Variants in TG observed in about 807,000 individuals in gnomAD.
TG encodes thyroid hormones.
A neutral mutation model predicts 324.7 loss-of-function variants in TG; 270 were observed. That is an observed-to-expected ratio of 0.83 (90% CI 0.75 to 0.92). The LOEUF (loss-of-function observed/expected upper bound fraction) is 0.92. Among genes scored for constraint, TG ranks in the 40% least tolerant of loss-of-function variants. TG has a pLI of 0.00. For missense variants in TG, 3,591 were observed against 3,456.4 expected (o/e 1.04, Z -0.98); for synonymous variants, 1,401 against 1,327.0 (o/e 1.06, Z -1.21).
chr8:133,075,407 GGAGACTAAAGA>G (rs1226208641), intron 41 of TG, among the ~76,000 whole-genome samples: 8 of 152,040 alleles, frequency 5.3e-5, no homozygotes, highest in Admixed American at 5.2e-4. Flanking sequence ...TGAGATTAAA[GGAGACTAAAGA>G]GACACAATGA....
intron 7 of TG, 89 bp from the exon 8 acceptor site, chr8:132,882,725 A>G: frequency 6.2e-7 from 1 of 1,612,192 alleles, no homozygotes; most frequent in Middle Eastern, 1.7e-4. Context: ...CAGAGATGAA[A>G]AGAATCGTTA....
At chr8:132,944,467 C>T (rs1020859265) in intron 26 of TG, among the ~76,000 whole-genome samples, 3 of 152,156 alleles carry the variant, frequency 2.0e-5, no homozygotes, top group African/African-American at 4.8e-5. Flanking sequence ...CTGGTGGATT[C>T]GAACTCCCCA....
At chr8:133,066,215 A>G (rs1843011778) in intron 41 of TG, among the ~76,000 whole-genome samples, 3 of 151,490 alleles carry the variant, frequency 2.0e-5, no homozygotes, top group Non-Finnish European at 4.4e-5. Context: ...AGTCCCAGCT[A>G]CTTGGGAGGC....
intron 44 of TG, 109 bp from the exon 45 acceptor site, chr8:133,116,500 G>C (rs1337902167): frequency 1.2e-6 from 1 of 867,314 alleles, no homozygotes. Context: ...GGCCTGGCAG[G>C]GGTGGGTTGG....
At chr8:132,960,975 C>CA in intron 27 of TG, 33 bp from the exon 28 acceptor site, 1 of 1,608,886 alleles carries the variant, frequency 6.2e-7, no homozygotes, top group Non-Finnish European at 8.5e-7. Flanking sequence ...ACAGCACACT[C>CA]AAGCTCATAA....
intron 41 of TG, chr8:133,059,270 G>A (rs140237254): frequency 1.2e-3 from 450 of 382,782 alleles, no homozygotes; most frequent in African/African-American, 8.8e-3. Flanking sequence ...GTGCCCCCTG[G>A]CTTCCCTAAC....
chr8:132,900,209 G>T, intron 14 of TG, 28 bp from the exon 15 acceptor site: 1 of 1,607,268 alleles, frequency 6.2e-7, no homozygotes, highest in South Asian at 1.1e-5. Flanking sequence ...TGCCCACAGT[G>T]ACTGACATGA....
In TG at chr8:132,990,888, CTG is replaced by C. The variant is rs1832232726; in HGVS notation, c.6262+7477_6262+7478del. On this transcript the variant is annotated intron_variant, in intron 35 of 47. Coordinates refer to ENST00000220616, the MANE Select transcript of TG (RefSeq NM_003235.5). ...GCTCCAGTTTCCCGGGAATCATACT[CTG>C]AGATGAAGTTTAGTAGGAAGGCCAG... 2.7e-5 allele frequency among the ~76,000 whole-genome samples: 4 copies of C among 149,736 alleles called. No homozygotes were observed. In the South Asian group the frequency reaches 8.6e-4, roughly 32 times the overall value.
At chr8:133,100,441 G>T (rs892215919) in intron 43 of TG, among the ~76,000 whole-genome samples, 1 of 152,158 alleles carries the variant, frequency 6.6e-6, no homozygotes, top group Admixed American at 6.5e-5. Context: ...TTCTAGTTCT[G>T]CTAGACAAAT....
Position 133,029,874 on chromosome 8 carries a change from A to G in TG, c.7090A>G (p.Thr2364Ala), listed in dbSNP as rs753867679. ...GCTGCTGGACCAGGTGGCGGCTCTG[A>G]CCTGGGTGCAGACCCACATCCGAGG... is the stretch of plus-strand genomic sequence containing the variant. ...WGLLDQVAAL[T>A]WVQTHIRGFG... The change falls in exon 41 of 48, where the codon ACC becomes GCC. Residue 2364 changes from threonine (T) to alanine (A), a missense_variant. Coordinates refer to ENST00000220616, the MANE Select transcript of TG (RefSeq NM_003235.5). 3.1e-5 allele frequency: 50 copies of G among 1,614,070 alleles called. No individual in the cohort carries two copies. The highest frequency in any genetic ancestry group is 1.6e-4 in the Middle Eastern group (1 of 6,084).
intron 17 of TG, among the ~76,000 whole-genome samples, chr8:132,907,377 A>C (rs377488041): frequency 7.1e-4 from 108 of 152,280 alleles, no homozygotes; most frequent in African/African-American, 2.5e-3. Flanking sequence ...TGCTCCAGGT[A>C]GGGCATCAGT....
intron 41 of TG, among the ~76,000 whole-genome samples, chr8:133,077,735 A>ATGTGTG (rs34749093): frequency 0.027 from 3,945 of 148,122 alleles, 79 homozygotes; most frequent in African/African-American, 0.058. Flanking sequence ...TCTGGTGTGT[A>ATGTGTG]TGTGTGTGTG....
intron 35 of TG, among the ~76,000 whole-genome samples, chr8:132,986,426 G>A (rs58774176): frequency 0.58 from 86,584 of 149,920 alleles, 26,264 homozygotes; most frequent in African/African-American, 0.73. Flanking sequence ...ATATATGTAT[G>A]TATCTCCAAA....
chr8:133,029,133 T>C (rs1183286892), intron 40 of TG, among the ~76,000 whole-genome samples: 1 of 152,120 alleles, frequency 6.6e-6, no homozygotes, highest in African/African-American at 2.4e-5. Context: ...AAGGATCTAC[T>C]GAATTCACAA....
chr8:133,036,221 G>A (rs1837112240), intron 41 of TG, among the ~76,000 whole-genome samples: 1 of 152,180 alleles, frequency 6.6e-6, no homozygotes, highest in African/African-American at 2.4e-5. Context: ...AGGATGTCCT[G>A]CCTGCCAGGT....
intron 41 of TG, among the ~76,000 whole-genome samples, chr8:133,069,651 C>T (rs1403453712): frequency 5.3e-5 from 8 of 152,106 alleles, no homozygotes; most frequent in Admixed American, 2.0e-4. Context: ...TTTGTTTCTA[C>T]TCTCGGCTGG....
chr8:133,110,058 G>A (rs989078423), intron 43 of TG, among the ~76,000 whole-genome samples: 42 of 152,170 alleles, frequency 2.8e-4, no homozygotes, highest in Admixed American at 6.5e-5. Flanking sequence ...CCAGACCTCA[G>A]TATAGCTCCC....
At chr8:133,103,035 G>A (rs1195111729) in intron 43 of TG, 5 of 173,018 alleles carry the variant, frequency 2.9e-5, no homozygotes. Flanking sequence ...GAGTATGCAG[G>A]AGTTTCCAGT....
chr8:133,047,731 A>T, intron 41 of TG: 1 of 772,744 alleles, frequency 1.3e-6, no homozygotes, highest in Non-Finnish European at 2.4e-6. Flanking sequence ...ATTTGCATGG[A>T]CGTAGGAGGA....
Sources: allele counts gnomAD v4.1 joint callset (sites outside exome capture counted in the v4.1 genomes callset), GRCh38; gene constraint gnomAD v4.1.1; transcripts MANE v1.5; gene names NCBI Gene and HGNC (gene_info 2026-07-23, HGNC 2026-07-21).